MTMR8: variants seen among roughly 807,000 people sequenced by gnomAD.
MTMR8 encodes the protein myotubularin related protein 8.
A neutral mutation model predicts 39.3 loss-of-function variants in MTMR8; 65 were observed. That is an observed-to-expected ratio of 1.65 (90% CI 1.35 to 2.03). The LOEUF (loss-of-function observed/expected upper bound fraction) is 2.03, where lower values mean the gene tolerates loss of function less well. MTMR8 is among the 30% of genes most tolerant of loss of function. The pLI is 0.00. For synonymous variants in MTMR8, 245 were observed against 185.2 expected (o/e 1.32, Z -2.62); for missense variants, 777 against 538.9 (o/e 1.44, Z -4.37).
intron 12 of MTMR8, among the ~76,000 whole-genome samples, chrX:64,273,507 A>G (rs1401047403): frequency 9.0e-6 from 1 of 111,351 alleles, no homozygotes; most frequent in Non-Finnish European, 1.9e-5. Context: ...AAAAAACAAA[A>G]CATAAAGGAA....
chrX:64,334,570 T>TA (rs537003359), intron 10 of MTMR8, among the ~76,000 whole-genome samples: 878 of 69,287 alleles, frequency 0.013, 12 homozygotes, highest in East Asian at 0.043. Context: ...TCTTTCAGCT[T>TA]AAAAAAAAAA....
intron 3 of MTMR8, among the ~76,000 whole-genome samples, chrX:64,355,158 C>T (rs1021766853): frequency 3.6e-5 from 4 of 111,315 alleles, no homozygotes; most frequent in Non-Finnish European, 7.5e-5. Flanking sequence ...GTTATCAATA[C>T]GAAGTGGGAT....
At chrX:64,280,125 A>G (rs963645079) in intron 12 of MTMR8, among the ~76,000 whole-genome samples, 7 of 112,215 alleles carry the variant, frequency 6.2e-5, no homozygotes, top group African/African-American at 2.3e-4. Flanking sequence ...AGGTACAAAG[A>G]GGAAATGGTA....
intron 1 of MTMR8, among the ~76,000 whole-genome samples, chrX:64,366,402 C>G (rs190584262): frequency 9.2e-4 from 103 of 112,254 alleles, no homozygotes; most frequent in African/African-American, 3.3e-3. Flanking sequence ...TCACAACAAA[C>G]TGTCTCTCAG....
chrX:64,290,850 C>T (rs73522771), intron 12 of MTMR8, among the ~76,000 whole-genome samples: 9,323 of 111,480 alleles, frequency 0.084, 1,022 homozygotes, highest in African/African-American at 0.29. Flanking sequence ...TTGTTTAACC[C>T]TTTACCTGTT....
chrX:64,381,917 T>C (rs1261483104), intron 1 of MTMR8, among the ~76,000 whole-genome samples: 1 of 111,826 alleles, frequency 8.9e-6, no homozygotes, highest in Non-Finnish European at 1.9e-5. Flanking sequence ...TGGTTGTAGA[T>C]ATGCGGCATT....
chrX:64,382,975 C>T (rs773554256), intron 1 of MTMR8, among the ~76,000 whole-genome samples: 3 of 110,745 alleles, frequency 2.7e-5, no homozygotes, highest in South Asian at 7.7e-4. Context: ...CCCATTCATC[C>T]TCTTATTTTC....
chrX:64,364,632 T>C (rs1395068673), intron 1 of MTMR8, among the ~76,000 whole-genome samples: 2 of 111,249 alleles, frequency 1.8e-5, no homozygotes, highest in East Asian at 5.7e-4. Context: ...AGACCAAAGG[T>C]AGATAAAACC....
chrX:64,301,212 A>G (rs1464810584), intron 12 of MTMR8, among the ~76,000 whole-genome samples: 1 of 109,183 alleles, frequency 9.2e-6, no homozygotes. Flanking sequence ...TTTCAGGTAC[A>G]CCAATCAGAC....
At chrX:64,348,461 C>T (rs763768408) in intron 6 of MTMR8, among the ~76,000 whole-genome samples, 199 bp downstream of exon 6, 1 of 111,229 alleles carries the variant, frequency 9.0e-6, no homozygotes, top group East Asian at 2.8e-4. Context: ...CTTGAAATAC[C>T]CTCTCATAAC....
Position 64,292,722 on chromosome X carries a change from C to T in MTMR8, c.1482-21649G>A, listed in dbSNP as rs183978508. Among the ~76,000 whole-genome samples the T allele has an allele frequency of 9.0e-5, 10 of 111,104 alleles. No individual in the cohort carries two copies. The East Asian group carries it at 2.6e-3, about 28-fold the overall frequency. ...GTCCAGTCTCTCCGTAAGGACCTGA[C>T]CCAGGAACTGAATGAAAAAGGGGCT... On this transcript the variant is annotated intron_variant, in intron 12 of 13. Transcript: ENST00000374852.
chrX:64,354,574 C>A (rs1428430233), intron 4 of MTMR8, among the ~76,000 whole-genome samples: 5 of 111,949 alleles, frequency 4.5e-5, no homozygotes, highest in Non-Finnish European at 7.5e-5. Flanking sequence ...TCCCATAACA[C>A]CCTATGCTTT....
intron 11 of MTMR8, 106 bp from the exon 12 acceptor site, chrX:64,329,006 C>A: frequency 1.3e-6 from 1 of 762,564 alleles, no homozygotes. Context: ...AGTAACCCAG[C>A]TCAAGAAAGG....
At chrX:64,376,223 A>T (rs1924263598) in intron 1 of MTMR8, among the ~76,000 whole-genome samples, 1 of 112,419 alleles carries the variant, frequency 8.9e-6, no homozygotes, top group Non-Finnish European at 1.9e-5. Flanking sequence ...TGCTAAAAAG[A>T]TACCTGAAAA....
At chrX:64,391,996 C>T (rs923404769) in intron 1 of MTMR8, among the ~76,000 whole-genome samples, 2 of 111,613 alleles carry the variant, frequency 1.8e-5, no homozygotes, top group Non-Finnish European at 3.8e-5. Context: ...ATTCTGGGTG[C>T]CAACTGACAC....
In MTMR8 at chrX:64,271,606, G is replaced by A. The variant is rs552828442; in HGVS notation, c.1482-533C>T. On this transcript the variant is annotated intron_variant, in intron 12 of 13. Coordinates refer to ENST00000374852, the MANE Select transcript of MTMR8 (RefSeq NM_017677.4). Reference sequence around the variant, plus strand: ...CCACTCATCATAATCCCAACTCCCAGCACAGTGCCATAGGATCAGGAGGAA... The same window carrying A: ...CCACTCATCATAATCCCAACTCCCAACACAGTGCCATAGGATCAGGAGGAA... 1.2e-4 allele frequency among the ~76,000 whole-genome samples: 13 copies of A among 112,274 alleles called. No homozygotes were observed. In the East Asian group the frequency reaches 3.1e-3, roughly 27 times the overall value.
chrX:64,274,918 G>C, intron 12 of MTMR8, among the ~76,000 whole-genome samples: 1 of 111,599 alleles, frequency 9.0e-6, no homozygotes, highest in Admixed American at 9.5e-5. Flanking sequence ...AGAGAATGGG[G>C]AGATGTTGGC....
At chrX:64,284,930 A>C (rs986883834) in intron 12 of MTMR8, among the ~76,000 whole-genome samples, 19 of 112,076 alleles carry the variant, frequency 1.7e-4, no homozygotes, top group African/African-American at 6.2e-4. Flanking sequence ...TGAGCAAAAT[A>C]ACCAGCTAAC....
rs754744675 is a variant in MTMR8, at chrX:64,320,225, G to C, written c.1481+8547C>G. On this transcript the variant is annotated intron_variant, in intron 12 of 13. Coordinates refer to ENST00000374852, the MANE Select transcript of MTMR8 (RefSeq NM_017677.4). Reference sequence around the variant, plus strand: ...CTGTTTATCTGCTATTGGTGTACAAGAATGCTTGTGATTTTTGCACATTGA... The same window carrying C: ...CTGTTTATCTGCTATTGGTGTACAACAATGCTTGTGATTTTTGCACATTGA... Among the ~76,000 whole-genome samples the C allele has an allele frequency of 6.3e-5, 7 of 111,092 alleles. No individual in the cohort carries two copies. The South Asian group carries it at 2.3e-3, about 36-fold the overall frequency.
Sources: allele counts gnomAD v4.1 joint callset (sites outside exome capture counted in the v4.1 genomes callset), GRCh38; gene constraint gnomAD v4.1.1; transcripts MANE v1.5; gene names NCBI Gene and HGNC (gene_info 2026-07-23, HGNC 2026-07-21).